GRM8: variants seen among roughly 807,000 people sequenced by gnomAD.
GRM8 encodes the protein metabotropic glutamate receptor 8.
Under a neutral mutation model 87.2 loss-of-function variants are expected in GRM8, and 47 were observed. The observed-to-expected ratio is 0.54, with a 90% confidence interval of 0.43 to 0.69. The LOEUF (loss-of-function observed/expected upper bound fraction) is 0.69. GRM8 is among the 30% of genes least tolerant of loss of function. GRM8 has a pLI of 0.00. For missense variants in GRM8, 1,019 were observed against 1,139.2 expected (o/e 0.89, Z 1.52); for synonymous variants, 396 against 404.5 (o/e 0.98, Z 0.25).
chr7:126,696,959 T>C (rs749365972), intron 7 of GRM8, among the ~76,000 whole-genome samples: 1 of 151,634 alleles, frequency 6.6e-6, no homozygotes, highest in Non-Finnish European at 1.5e-5. Flanking sequence ...AGCCAAGATA[T>C]GAAAGCAACC....
At chr7:126,587,048 T>C (rs1046340259) in intron 8 of GRM8, among the ~76,000 whole-genome samples, 1 of 152,044 alleles carries the variant, frequency 6.6e-6, no homozygotes, top group African/African-American at 2.4e-5. Context: ...AAAGAACACA[T>C]TTATGCAGCC....
At chr7:127,017,980 C>G (rs1314148088) in intron 3 of GRM8, among the ~76,000 whole-genome samples, 1 of 151,962 alleles carries the variant, frequency 6.6e-6, no homozygotes, top group African/African-American at 2.4e-5. Context: ...TGAGAATCCA[C>G]TTTATCCTAG....
chr7:126,775,257 T>C (rs1819291593), intron 6 of GRM8, among the ~76,000 whole-genome samples: 1 of 152,124 alleles, frequency 6.6e-6, no homozygotes, highest in Non-Finnish European at 1.5e-5. Context: ...AATAAATACA[T>C]TTATGCATCT....
intron 7 of GRM8, among the ~76,000 whole-genome samples, chr7:126,763,763 A>G (rs1227939934): frequency 6.6e-6 from 1 of 151,838 alleles, no homozygotes; most frequent in Non-Finnish European, 1.5e-5. Flanking sequence ...TTAAAATTTA[A>G]AATACTATTA....
chr7:126,865,588 G>A lies in GRM8; in HGVS notation c.1156+36954C>T, dbSNP rs144717706. 1.2e-4 allele frequency among the ~76,000 whole-genome samples: 19 copies of A among 152,080 alleles called. No homozygotes were observed. The East Asian group carries it at 2.3e-3, about 19-fold the overall frequency. ...ACCACTCTTCAATCATCCTGTTCCC[G>A]TCCCTTCACCATCCAACCCTAGGCG... On this transcript the variant is annotated intron_variant, in intron 6 of 10. Coordinates refer to ENST00000339582, the MANE Select transcript of GRM8 (RefSeq NM_000845.3).
At chr7:126,606,118 G>T (rs1163148799) in intron 8 of GRM8, among the ~76,000 whole-genome samples, 1 of 152,156 alleles carries the variant, frequency 6.6e-6, no homozygotes, top group East Asian at 1.9e-4. Flanking sequence ...TTTTTTGAGT[G>T]CAGAGGGATT....
At chr7:126,712,617 A>T (rs1325924894) in intron 7 of GRM8, among the ~76,000 whole-genome samples, 1 of 152,218 alleles carries the variant, frequency 6.6e-6, no homozygotes, top group Non-Finnish European at 1.5e-5. Context: ...ATTAAACTAA[A>T]GAGCTTCTGC....
At chr7:126,462,098 G>T (rs997631310) in intron 9 of GRM8, among the ~76,000 whole-genome samples, 1 of 151,188 alleles carries the variant, frequency 6.6e-6, no homozygotes, top group Non-Finnish European at 1.5e-5. Context: ...GGAATCTTTT[G>T]CAATAAAACT....
chr7:126,663,333 C>A (rs571204986), intron 7 of GRM8, among the ~76,000 whole-genome samples: 1 of 151,976 alleles, frequency 6.6e-6, no homozygotes, highest in African/African-American at 2.4e-5. Flanking sequence ...GGCAAAGACA[C>A]AAAGAAAAAA....
At chr7:126,617,162 A>G (rs926503616) in intron 7 of GRM8, among the ~76,000 whole-genome samples, 2 of 152,224 alleles carry the variant, frequency 1.3e-5, no homozygotes, top group African/African-American at 4.8e-5. Context: ...GAAGCACATC[A>G]AAAAGTTTAT....
intron 10 of GRM8, among the ~76,000 whole-genome samples, chr7:126,440,553 T>TA (rs1801352501): frequency 6.6e-6 from 1 of 152,088 alleles, no homozygotes; most frequent in African/African-American, 2.4e-5. Flanking sequence ...TTTACATGTA[T>TA]ACCATTTTTT....
intron 7 of GRM8, among the ~76,000 whole-genome samples, chr7:126,652,705 G>T (rs544901794): frequency 6.6e-6 from 1 of 152,118 alleles, no homozygotes; most frequent in Non-Finnish European, 1.5e-5. Flanking sequence ...GCTCAAACTG[G>T]CTTCCTTGCT....
chr7:126,477,607 G>GA (rs1806131649), intron 9 of GRM8, among the ~76,000 whole-genome samples: 1 of 121,198 alleles, frequency 8.3e-6, no homozygotes, highest in Non-Finnish European at 1.7e-5. Flanking sequence ...AAGAAAGAAA[G>GA]AAAGAAAGAA....
chr7:126,830,845 T>C (rs898963297), intron 6 of GRM8, among the ~76,000 whole-genome samples: 7 of 152,230 alleles, frequency 4.6e-5, no homozygotes, highest in Non-Finnish European at 8.8e-5. Flanking sequence ...TATCTACTTT[T>C]GGTCTTTGAT....
At chr7:126,590,880 T>C (rs996689501) in intron 8 of GRM8, among the ~76,000 whole-genome samples, 4 of 152,100 alleles carry the variant, frequency 2.6e-5, no homozygotes, top group African/African-American at 9.7e-5. Context: ...GTGCTCTAAA[T>C]CTTGAAACAA....
intron 3 of GRM8, among the ~76,000 whole-genome samples, chr7:127,071,748 G>A (rs1821714233): frequency 6.6e-6 from 1 of 152,070 alleles, no homozygotes; most frequent in African/African-American, 2.4e-5. Context: ...AAAATATGGT[G>A]ACATGGTTGA....
rs1388165367 is a variant in GRM8 at position 126,968,929 on chromosome 7, T to C, written c.728-64246A>G. Among the ~76,000 whole-genome samples, 3 of 152,166 alleles carry C rather than the reference T, an allele frequency of 2.0e-5. No homozygotes were observed. The East Asian group carries it at 5.8e-4, about 29-fold the overall frequency. On this transcript the variant is annotated intron_variant, in intron 3 of 10. Transcript: ENST00000339582. ...AGCTCAGAGATGTCACAGGTTCTATTTCAGACCACTGCAATTAAGTGAATA... is the reference window on the plus strand; with the variant it reads ...AGCTCAGAGATGTCACAGGTTCTATCTCAGACCACTGCAATTAAGTGAATA...
intron 9 of GRM8, among the ~76,000 whole-genome samples, chr7:126,530,813 A>AT (rs951861255): frequency 3.3e-5 from 5 of 151,834 alleles, no homozygotes; most frequent in Non-Finnish European, 7.4e-5. Context: ...GCATTTATTT[A>AT]TTTTTTTTGG....
At chr7:126,778,363 AG>A (rs1819684218) in intron 6 of GRM8, among the ~76,000 whole-genome samples, 1 of 152,172 alleles carries the variant, frequency 6.6e-6, no homozygotes, top group African/African-American at 2.4e-5. Context: ...GGCAGGTGCC[AG>A]GTGTCCCCTT....
Sources: gnomAD v4.1 joint callset for allele counts (sites outside exome capture counted in the v4.1 genomes callset) on GRCh38, gnomAD v4.1.1 for gene constraint, MANE v1.5 for transcripts, NCBI Gene and HGNC (gene_info 2026-07-23, HGNC 2026-07-21) for gene names.